Variants in ZNF674 observed in about 807,000 individuals in gnomAD.
The protein encoded by ZNF674 is zinc finger protein 674.
Under a neutral mutation model 7.0 loss-of-function variants are expected in ZNF674, and 2 were observed. The ratio of observed to expected loss-of-function variants is 0.29; its 90% confidence interval spans 0.12 to 0.90. The LOEUF (loss-of-function observed/expected upper bound fraction) is 0.90, where lower values mean the gene tolerates loss of function less well. Among genes scored for constraint, ZNF674 ranks in the 40% least tolerant of loss-of-function variants. The pLI is 0.57. For missense variants in ZNF674, 297 were observed against 415.5 expected (o/e 0.71, Z 2.48); for synonymous variants, 103 against 145.2 (o/e 0.71, Z 2.09).
intron 5 of ZNF674, among the ~76,000 whole-genome samples, chrX:46,501,933 C>T (rs1291189120): frequency 9.1e-6 from 1 of 109,329 alleles, no homozygotes. Context: ...TATACACATA[C>T]ACACACTCAT....
At chrX:46,506,926 A>G (rs1466032451) in intron 5 of ZNF674, among the ~76,000 whole-genome samples, 1 of 111,940 alleles carries the variant, frequency 8.9e-6, no homozygotes, top group Non-Finnish European at 1.9e-5. Flanking sequence ...CACCCAGATG[A>G]GAGCAGGTCA....
chrX:46,538,446 T>C (rs998046317), intron 3 of ZNF674, among the ~76,000 whole-genome samples: 1 of 111,519 alleles, frequency 9.0e-6, no homozygotes, highest in African/African-American at 3.3e-5. Flanking sequence ...TATGAAAAAA[T>C]ATTTGCAACA....
At chrX:46,506,899 A>T (rs1386009386) in intron 5 of ZNF674, among the ~76,000 whole-genome samples, 1 of 111,768 alleles carries the variant, frequency 8.9e-6, no homozygotes, top group Non-Finnish European at 1.9e-5. Flanking sequence ...GCTGTACAAG[A>T]AGGAATGAGG....
At chrX:46,514,338 T>C (rs780634915) in intron 5 of ZNF674, among the ~76,000 whole-genome samples, 4 of 111,102 alleles carry the variant, frequency 3.6e-5, no homozygotes, top group Non-Finnish European at 7.5e-5. Flanking sequence ...TGAGGCAGTC[T>C]GTGGTAGTAG....
intron 5 of ZNF674, among the ~76,000 whole-genome samples, chrX:46,519,259 T>TA (rs758684566): frequency 0.055 from 4,014 of 73,061 alleles, 113 homozygotes; most frequent in Middle Eastern, 0.09. Context: ...GATAGATAGA[T>TA]AGATAAAGAT....
chrX:46,527,132 C>T (rs1160234792), intron 5 of ZNF674, among the ~76,000 whole-genome samples: 3 of 109,924 alleles, frequency 2.7e-5, no homozygotes, highest in African/African-American at 6.6e-5. Context: ...GGCATGGTGG[C>T]GGGTGCCTGT....
intron 3 of ZNF674, among the ~76,000 whole-genome samples, chrX:46,531,049 C>T (rs998555950): frequency 8.8e-6 from 1 of 113,018 alleles, no homozygotes; most frequent in Non-Finnish European, 1.9e-5. Flanking sequence ...CACCACTGTT[C>T]TCCAGCCTGG....
At chrX:46,510,404 A>G (rs1941631405) in intron 5 of ZNF674, among the ~76,000 whole-genome samples, 1 of 112,308 alleles carries the variant, frequency 8.9e-6, no homozygotes, top group Non-Finnish European at 1.9e-5. Flanking sequence ...AATCTACCAC[A>G]TTAATAGATT....
intron 2 of ZNF674, among the ~76,000 whole-genome samples, chrX:46,544,058 T>C (rs1318736290): frequency 8.9e-6 from 1 of 112,320 alleles, no homozygotes; most frequent in Non-Finnish European, 1.9e-5. Flanking sequence ...GAGAGGCCAA[T>C]CCTCTGTGGC....
intron 5 of ZNF674, among the ~76,000 whole-genome samples, chrX:46,515,955 G>A (rs1980734749): frequency 9.0e-6 from 1 of 111,153 alleles, no homozygotes; most frequent in Admixed American, 9.7e-5. Context: ...TTAAACCACA[G>A]TAAAGGGTTT....
At position 46,533,811 on chromosome X, in the gene ZNF674, C is replaced by CAA. The variant is rs763490420; in HGVS notation, c.16-4904_16-4903dup. 4.8e-3 allele frequency among the ~76,000 whole-genome samples: 115 copies of CAA among 23,785 alleles called. 2 individuals carry two copies. The highest frequency in any genetic ancestry group is 0.018 in the African/African-American group (86 of 4,691). The allele number at this position is 23,785 out of a possible 115,157, so 20.7% of individuals were successfully genotyped here. A position where few individuals can be genotyped will look rare whatever the true frequency, so the allele number is the denominator to read the frequency against. ...TGGGTGATAGAGTGAGACCCTGTCT[C>CAA]AAAAAAAAAAAAAAAAAAATATATA... is the stretch of plus-strand genomic sequence containing the variant. On this transcript the variant is annotated intron_variant, in intron 3 of 5. Transcript: ENST00000683375.
chrX:46,531,096 C>G (rs1210128218), intron 3 of ZNF674, among the ~76,000 whole-genome samples: 1 of 113,204 alleles, frequency 8.8e-6, no homozygotes, highest in Non-Finnish European at 1.9e-5. Flanking sequence ...AAAACAACAA[C>G]AAGGACAACA....
intron 5 of ZNF674, among the ~76,000 whole-genome samples, chrX:46,510,468 A>G (rs1858702255): frequency 9.0e-6 from 1 of 111,619 alleles, no homozygotes; most frequent in African/African-American, 3.3e-5. Context: ...ATTCAAGAAA[A>G]TACAACACTC....
At chrX:46,521,954 G>A (rs1443681966) in intron 5 of ZNF674, among the ~76,000 whole-genome samples, 1 of 108,125 alleles carries the variant, frequency 9.2e-6, no homozygotes, top group Non-Finnish European at 1.9e-5. Context: ...ATAAGTAGGA[G>A]GAAGGCACAT....
At position 46,498,284 on chromosome X, in the gene ZNF674, T is replaced by G. The variant is rs1185229958; in HGVS notation, c.*1559A>C. ...GATACTCTGAAAATTTTAAATCTTATATTGCTTCACCATAAAATTATTACT... is the reference window on the plus strand; with the variant it reads ...GATACTCTGAAAATTTTAAATCTTAGATTGCTTCACCATAAAATTATTACT... On this transcript the variant is annotated 3_prime_UTR_variant, in exon 6 of 6. Coordinates refer to ENST00000683375, the MANE Select transcript of ZNF674 (RefSeq NM_001190417.2). The G allele has an allele frequency of 9.0e-6, 1 of 111,697 alleles. No homozygotes were observed. The highest frequency in any genetic ancestry group is 1.9e-5 in the Non-Finnish European group (1 of 53,182). The allele number at this position is 111,697 out of a possible 1,213,427, so 9.2% of individuals were successfully genotyped here.
Position 46,500,731 on chromosome X carries a change from T to C in ZNF674, c.843A>G (p.Gly281=), listed in dbSNP as rs372654745. The change falls in exon 6 of 6, where the codon GGA becomes GGG. Residue 281 remains glycine, a synonymous_variant. Coordinates refer to ENST00000683375, the MANE Select transcript of ZNF674 (RefSeq NM_001190417.2). ...GAGTTGACTTCTGGATAAAGGTTTT[T>C]CCACATTCACTGCATTCATAGGGCT... The part of the protein sequence containing the change: ...GEKPYECSEC[G]KTFIQKSTLI... 31 of 1,207,877 alleles carry C rather than the reference T, an allele frequency of 2.6e-5. No individual in the cohort carries two copies. In the African/African-American group the frequency reaches 5.1e-4, roughly 20 times the overall value.
chrX:46,503,838 A>G (rs1941477432), intron 5 of ZNF674, among the ~76,000 whole-genome samples: 1 of 111,497 alleles, frequency 9.0e-6, no homozygotes, highest in Non-Finnish European at 1.9e-5. Flanking sequence ...TATTGAAAAT[A>G]TACAGCCTGG....
intron 5 of ZNF674, among the ~76,000 whole-genome samples, chrX:46,508,939 G>T (rs1400698651): frequency 9.0e-6 from 1 of 111,113 alleles, no homozygotes; most frequent in African/African-American, 3.3e-5. Context: ...CCAAAACAGA[G>T]ATATAGATCA....
chrX:46,542,465 T>C (rs1028767349), intron 2 of ZNF674, among the ~76,000 whole-genome samples: 11 of 112,110 alleles, frequency 9.8e-5, no homozygotes, highest in Admixed American at 8.6e-4. Context: ...AATCCCTGCA[T>C]GCGGGGGGCG....
Sources: allele counts gnomAD v4.1 joint callset (sites outside exome capture counted in the v4.1 genomes callset), GRCh38; gene constraint gnomAD v4.1.1; transcripts MANE v1.5; gene names NCBI Gene and HGNC (gene_info 2026-07-23, HGNC 2026-07-21).